Variants in LGALS9C observed in about 807,000 individuals in gnomAD.
The protein encoded by LGALS9C is galectin-9C.
Under a neutral mutation model 41.3 loss-of-function variants are expected in LGALS9C, and 7 were observed. That is an observed-to-expected ratio of 0.17 (90% CI 0.10 to 0.32). The LOEUF (loss-of-function observed/expected upper bound fraction) is 0.32. LGALS9C is among the 10% of genes least tolerant of loss of function. LGALS9C has a pLI of 1.00. For synonymous variants in LGALS9C, 44 were observed against 171.0 expected, an observed-to-expected ratio of 0.26 and a Z score of 5.80; for missense variants, 102 against 455.2, an observed-to-expected ratio of 0.22 and a Z score of 7.06.
Position 18,476,872 on chromosome 17 carries a change from C to T in LGALS9C, c.18C>T (p.Cys6=), listed in dbSNP as rs373117351. ...GTGGAGAGATGGCCTTCAGCGGTTG[C>T]CAGGCTCCCTATCTGAGCCCAGTGA... The part of the protein sequence containing the change: MAFSG[C]QAPYLSPAVP... The change falls in exon 1 of 11, where the codon TGC becomes TGT. Residue 6 remains cysteine (C), a synonymous_variant. Transcript: ENST00000328114. The T allele has an allele frequency of 1.9e-5, 30 of 1,601,890 alleles. 1 individual carries two copies. The highest frequency in any genetic ancestry group is 2.5e-5 in the Non-Finnish European group (29 of 1,171,236).
chr17:18,485,003 C>G (rs1201258560), intron 2 of LGALS9C, among the ~76,000 whole-genome samples: 1 of 127,206 alleles, frequency 7.9e-6, no homozygotes, highest in African/African-American at 2.5e-5. Context: ...CACTCCCATC[C>G]TGTTGCACGG....
At chr17:18,487,626 A>G in intron 3 of LGALS9C, 21 bp from the exon 4 acceptor site, 1 of 1,426,694 alleles carries the variant, frequency 7.0e-7, no homozygotes, top group Non-Finnish European at 9.6e-7. Context: ...CTCCCCCGAA[A>G]TACGTGCTCT....
Position 18,479,803 on chromosome 17 carries a change from AGGTT to A in LGALS9C, c.39+2912_39+2915del, listed in dbSNP as rs748975782. Among the ~76,000 whole-genome samples, 7 of 128,338 alleles carry A rather than the reference AGGTT, an allele frequency of 5.5e-5. 2 individuals are homozygous for A. Among genetic ancestry groups the A allele is most frequent in the Non-Finnish European group, 1.3e-4 (7 of 52,744 alleles). The allele number at this position is 128,338 out of a possible 152,430, so 84.2% of individuals were successfully genotyped here. On this transcript the variant is annotated intron_variant, in intron 1 of 10. Transcript: ENST00000328114. ...AGATGTTAAAATCATCGTGTGAGCAAGGTTGTCTCCTTCCGGAGGCTCCAGGGGA... is the reference window on the plus strand; with the variant it reads ...AGATGTTAAAATCATCGTGTGAGCAAGTCTCCTTCCGGAGGCTCCAGGGGA...
intron 2 of LGALS9C, among the ~76,000 whole-genome samples, chr17:18,484,824 G>A (rs535707342): frequency 6.0e-5 from 9 of 150,590 alleles, no homozygotes; most frequent in South Asian, 2.1e-4. Context: ...TCCTGCTGTC[G>A]GACTTCTCTG....
Position 18,494,559 on chromosome 17 carries a change from C to G in LGALS9C, c.*192C>G. On this transcript the variant is annotated 3_prime_UTR_variant, in exon 11 of 11. Coordinates refer to ENST00000328114, the MANE Select transcript of LGALS9C (RefSeq NM_001040078.3). ...TCGAGAAGGCAGCTGACTGGGATTGCCTTCCTCAGCCGCAGCAGCACCTGG... is the reference window on the plus strand; with the variant it reads ...TCGAGAAGGCAGCTGACTGGGATTGGCTTCCTCAGCCGCAGCAGCACCTGG... The G allele has an allele frequency of 2.0e-6, 2 of 1,014,246 alleles. No homozygotes were observed. Among genetic ancestry groups the G allele is most frequent in the Non-Finnish European group, 1.4e-6 (1 of 700,170 alleles). The allele number at this position is 1,014,246 out of a possible 1,614,324, so 62.8% of individuals were successfully genotyped here. A position where few individuals can be genotyped will look rare whatever the true frequency, so the allele number is the denominator to read the frequency against.
At position 18,482,852 on chromosome 17, in the gene LGALS9C, C is replaced by A. The variant is rs1364907245; in HGVS notation, c.40-1023C>A. ...GAACCACACCGGATATGAGGCATTT[C>A]GGAATAAACTTTGAAAATTGGAAGT... On this transcript the variant is annotated intron_variant, in intron 1 of 10. Transcript: ENST00000328114. 1.6e-5 allele frequency among the ~76,000 whole-genome samples: 2 copies of A among 126,086 alleles called. 1 individual carries two copies. 82.7% of individuals were successfully genotyped at this position (126,086 alleles called of 152,430 possible). A position where few individuals can be genotyped will look rare whatever the true frequency, so the allele number is the denominator to read the frequency against.
rs1392798449 is a variant in LGALS9C at position 18,478,468 on chromosome 17, C to T, written c.39+1575C>T. Among the ~76,000 whole-genome samples the T allele has an allele frequency of 4.9e-5, 6 of 122,514 alleles. 2 individuals carry two copies. 80.4% of individuals were successfully genotyped at this position (122,514 alleles called of 152,430 possible). A position where few individuals can be genotyped will look rare whatever the true frequency, so the allele number is the denominator to read the frequency against. On this transcript the variant is annotated intron_variant, in intron 1 of 10. Transcript: ENST00000328114. ...TGGGTTGGGACACTTGAGCCTCACT[C>T]GGTGACCCATCTGGCAGTCGGAGTC...
chr17:18,476,931 C>T (rs772123098), intron 1 of LGALS9C, 38 bp downstream of exon 1: 3 of 1,554,322 alleles, frequency 1.9e-6, no homozygotes, highest in Non-Finnish European at 2.7e-6. Flanking sequence ...CTGCCTCAGC[C>T]AGGGGGACAC....
intron 1 of LGALS9C, among the ~76,000 whole-genome samples, chr17:18,477,117 G>A (rs1427168568): frequency 1.5e-5 from 2 of 135,204 alleles, no homozygotes; most frequent in African/African-American, 5.0e-5. Context: ...GGGTTTGACA[G>A]TGTTGGCTGA....
Position 18,487,909 on chromosome 17 carries a change from C to T in LGALS9C, c.444+152C>T, listed in dbSNP as rs1438345787. ...TTCCCTGTCCCAGTACCTGCCCGCC[C>T]CTTCTCCTCTGTCACTCTGCCCCTC... On this transcript the variant is annotated intron_variant, in intron 4 of 10. Transcript: ENST00000328114. The T allele has an allele frequency of 1.7e-4, 98 of 574,948 alleles. 2 individuals carry two copies. The highest frequency in any genetic ancestry group is 2.3e-4 in the Non-Finnish European group (70 of 307,582). 35.6% of individuals were successfully genotyped at this position (574,948 alleles called of 1,614,324 possible).
At chr17:18,487,915 CCT>C (rs1470608789) in intron 4 of LGALS9C, among the ~76,000 whole-genome samples, 158 bp downstream of exon 4, 8 of 143,046 alleles carry the variant, frequency 5.6e-5, no homozygotes, top group African/African-American at 1.7e-4. Flanking sequence ...CGCCCCTTCT[CCT>C]CTGTCACTCT....
chr17:18,485,565 C>T (rs546795824), intron 2 of LGALS9C, among the ~76,000 whole-genome samples: 5 of 82,374 alleles, frequency 6.1e-5, no homozygotes, highest in African/African-American at 1.4e-4. Context: ...ATGTGCTGGC[C>T]TCCAACAAGT....
chr17:18,478,320 C>T (rs1214547796), intron 1 of LGALS9C, among the ~76,000 whole-genome samples: 6 of 123,996 alleles, frequency 4.8e-5, no homozygotes, highest in African/African-American at 1.3e-4. Context: ...GAAGGAAAAT[C>T]CTCCTATGCA....
chr17:18,482,628 G>A (rs375184972), intron 1 of LGALS9C, among the ~76,000 whole-genome samples: 5,773 of 141,634 alleles, frequency 0.041, 9 homozygotes, highest in African/African-American at 0.1. Flanking sequence ...TTTTAGATGA[G>A]GCGTGTGACG....
At position 18,493,340 on chromosome 17, in the gene LGALS9C, C is replaced by T. The variant is rs1487949015; in HGVS notation, c.924+481C>T. Among the ~76,000 whole-genome samples, 2 of 118,158 alleles carry T rather than the reference C, an allele frequency of 1.7e-5. 1 individual carries two copies. The highest frequency in any genetic ancestry group is 5.9e-5 in the African/African-American group (2 of 33,640). The allele number at this position is 118,158 out of a possible 152,430, so 77.5% of individuals were successfully genotyped here. On this transcript the variant is annotated intron_variant, in intron 10 of 10. Transcript: ENST00000328114. ...CAGATTGTTGCAGATAACAACAGTGCCACGCAGAAAGCAAAACAGAGCGAT... is the reference window on the plus strand; with the variant it reads ...CAGATTGTTGCAGATAACAACAGTGTCACGCAGAAAGCAAAACAGAGCGAT...
At chr17:18,478,553 G>A (rs1369388970) in intron 1 of LGALS9C, among the ~76,000 whole-genome samples, 3 of 129,160 alleles carry the variant, frequency 2.3e-5, no homozygotes, top group African/African-American at 5.1e-5. Flanking sequence ...CTGCTGAGGA[G>A]GGCTGAGTGC....
At chr17:18,490,474 T>G (rs1352672298) in intron 5 of LGALS9C, 2 of 563,554 alleles carry the variant, frequency 3.5e-6, no homozygotes, top group African/African-American at 3.7e-5. Context: ...AGCAATGAGG[T>G]CTCTATCAAA....
At position 18,478,621 on chromosome 17, in the gene LGALS9C, A is replaced by G. The variant is rs1309048844; in HGVS notation, c.39+1728A>G. Among the ~76,000 whole-genome samples, 73 of 119,308 alleles carry G rather than the reference A, an allele frequency of 6.1e-4. 1 individual carries two copies. The highest frequency in any genetic ancestry group is 1.9e-3 in the African/African-American group (71 of 37,590). 78.3% of individuals were successfully genotyped at this position (119,308 alleles called of 152,430 possible). On this transcript the variant is annotated intron_variant, in intron 1 of 10. Transcript: ENST00000328114. Reference sequence around the variant, plus strand: ...CTTCTTGTCTGGCCTCATCTAGCCCAGCCTCTTTGGAGGGCTGGGGGGAAG... The same window carrying G: ...CTTCTTGTCTGGCCTCATCTAGCCCGGCCTCTTTGGAGGGCTGGGGGGAAG...
intron 10 of LGALS9C, among the ~76,000 whole-genome samples, chr17:18,493,253 G>A (rs559946925): frequency 8.2e-6 from 1 of 121,286 alleles, no homozygotes; most frequent in South Asian, 2.6e-4. Flanking sequence ...GACACGTAGG[G>A]TCCTTCCTCC....
Sources: gnomAD v4.1 joint callset for allele counts (sites outside exome capture counted in the v4.1 genomes callset) on GRCh38, gnomAD v4.1.1 for gene constraint, MANE v1.5 for transcripts, NCBI Gene and HGNC (gene_info 2026-07-23, HGNC 2026-07-21) for gene names.